The following GALNT13 variants were observed in gnomAD, a reference collection of about 807,000 sequenced individuals.
GALNT13 encodes UDP-GalNAc:polypeptide N-acetylgalactosaminyltransferase 13.
In GALNT13, 28 loss-of-function variants were observed where a neutral mutation model predicts 64.2. That is an observed-to-expected ratio of 0.44 (90% CI 0.32 to 0.60). The LOEUF is 0.60. Ranked by LOEUF, GALNT13 falls within the 20% of genes least tolerant of loss-of-function variation. The pLI, the probability that GALNT13 is intolerant of heterozygous loss-of-function variation, is 0.05. For missense variants in GALNT13, 577 were observed against 669.8 expected, an observed-to-expected ratio of 0.86 and a Z score of 1.53; for synonymous variants, 214 against 224.6, an observed-to-expected ratio of 0.95 and a Z score of 0.42.
chr2:153,640,599 T>C, the GALNT13 span, among the ~76,000 whole-genome samples: 3 of 152,004 alleles, frequency 2.0e-5, no homozygotes, highest in Non-Finnish European at 2.9e-5. Context: ...GGCAATATAA[T>C]GAGACCTAAT....
At chr2:153,198,844 A>G in the GALNT13 span, among the ~76,000 whole-genome samples, 1 of 152,160 alleles carries the variant, frequency 6.6e-6, no homozygotes, top group Non-Finnish European at 1.5e-5. Context: ...TTCACCTTTG[A>G]GCAACATTGC....
the GALNT13 span, among the ~76,000 whole-genome samples, chr2:153,095,541 A>G: frequency 6.6e-6 from 1 of 152,246 alleles, no homozygotes; most frequent in Admixed American, 6.5e-5. Context: ...TACTGGGTAT[A>G]TACCCAAAGG....
At chr2:153,559,365 G>A in the GALNT13 span, among the ~76,000 whole-genome samples, 1 of 152,082 alleles carries the variant, frequency 6.6e-6, no homozygotes, top group South Asian at 2.1e-4. Flanking sequence ...CCATGCCACA[G>A]TTTAGTTGAA....
chr2:153,411,651 G>A, the GALNT13 span, among the ~76,000 whole-genome samples: 3 of 152,288 alleles, frequency 2.0e-5, no homozygotes, highest in East Asian at 1.9e-4. Context: ...ATGCTGGGCC[G>A]TCTGACTGAT....
the GALNT13 span, among the ~76,000 whole-genome samples, chr2:153,279,798 C>T: frequency 6.6e-6 from 1 of 151,888 alleles, no homozygotes; most frequent in African/African-American, 2.4e-5. Flanking sequence ...TATGTTCATC[C>T]AGAATATTAG....
At chr2:153,727,164 T>C in the GALNT13 span, among the ~76,000 whole-genome samples, 1 of 152,156 alleles carries the variant, frequency 6.6e-6, no homozygotes. Flanking sequence ...AAGCTGTAGT[T>C]AAAAATAACA....
chr2:153,513,524 C>T, the GALNT13 span, among the ~76,000 whole-genome samples: 1 of 152,232 alleles, frequency 6.6e-6, no homozygotes, highest in African/African-American at 2.4e-5. Flanking sequence ...GTCACTACCA[C>T]CTACCCTCTT....
the GALNT13 span, among the ~76,000 whole-genome samples, chr2:153,129,973 C>T: frequency 3.3e-5 from 5 of 152,264 alleles, no homozygotes; most frequent in South Asian, 2.1e-4. Flanking sequence ...CATCAAAAGG[C>T]GGCTGTGAGG....
At chr2:153,345,892 C>T in the GALNT13 span, among the ~76,000 whole-genome samples, 21 of 151,078 alleles carry the variant, frequency 1.4e-4, no homozygotes, top group Non-Finnish European at 1.8e-4. Flanking sequence ...ACTTCCTGGG[C>T]TCAGGTGATT....
chr2:153,998,444 T>C (rs950759413), intron 3 of GALNT13, among the ~76,000 whole-genome samples: 3 of 152,236 alleles, frequency 2.0e-5, no homozygotes, highest in Admixed American at 1.3e-4. Context: ...AGGTCTTCTT[T>C]TGAGAAGTGT....
At chr2:153,330,191 A>C in the GALNT13 span, among the ~76,000 whole-genome samples, 1 of 152,216 alleles carries the variant, frequency 6.6e-6, no homozygotes, top group Non-Finnish European at 1.5e-5. Flanking sequence ...CTTATAGTAT[A>C]GTTTGAAGTC....
intron 3 of GALNT13, among the ~76,000 whole-genome samples, chr2:153,981,772 A>G (rs1401517386): frequency 6.6e-6 from 1 of 152,080 alleles, no homozygotes; most frequent in Non-Finnish European, 1.5e-5. Context: ...GAGCCAGGTT[A>G]TCTCCTTTGG....
At chr2:153,920,641 TTAAAC>T (rs1408341140) in intron 2 of GALNT13, among the ~76,000 whole-genome samples, 2 of 152,048 alleles carry the variant, frequency 1.3e-5, no homozygotes, top group South Asian at 2.1e-4. Context: ...TGGGACCTAA[TTAAAC>T]TAAAGAACTT....
chr2:153,666,688 C>T, the GALNT13 span, among the ~76,000 whole-genome samples: 1 of 152,150 alleles, frequency 6.6e-6, no homozygotes, highest in Non-Finnish European at 1.5e-5. Context: ...AATGTCAAAC[C>T]TTAAAGGAAC....
At chr2:153,258,400 A>AAAACAAAACAAAACAAAACC in the GALNT13 span, among the ~76,000 whole-genome samples, 2 of 151,508 alleles carry the variant, frequency 1.3e-5, no homozygotes, top group Admixed American at 6.6e-5. Flanking sequence ...AAAACAAAAC[A>AAAACAAAACAAAACAAAACC]AAACCCAACT....
chr2:153,128,304 G>A, the GALNT13 span, among the ~76,000 whole-genome samples: 1 of 152,196 alleles, frequency 6.6e-6, no homozygotes, highest in South Asian at 2.1e-4. Flanking sequence ...ACGGTGGAAA[G>A]CAGGGAGGAG....
At chr2:154,212,472 G>A (rs976115264) in intron 4 of GALNT13, among the ~76,000 whole-genome samples, 1 of 152,072 alleles carries the variant, frequency 6.6e-6, no homozygotes, top group African/African-American at 2.4e-5. Context: ...TCGAACTCCT[G>A]ACCTCAGATG....
At chr2:154,201,552 G>A (rs13432170) in intron 4 of GALNT13, among the ~76,000 whole-genome samples, 48,408 of 151,806 alleles carry the variant, frequency 0.32, 8,241 homozygotes, top group Middle Eastern at 0.44. Context: ...TTAGATAACT[G>A]TTTCAAACAG....
the GALNT13 span, among the ~76,000 whole-genome samples, chr2:153,398,153 A>G: frequency 6.2e-5 from 9 of 144,514 alleles, no homozygotes; most frequent in Non-Finnish European, 1.0e-4. Context: ...ATTCCCACCT[A>G]TGAGTGAGAA....
Sources: allele counts gnomAD v4.1 joint callset (sites outside exome capture counted in the v4.1 genomes callset), GRCh38; gene constraint gnomAD v4.1.1; transcripts MANE v1.5; gene names NCBI Gene and HGNC (gene_info 2026-07-23, HGNC 2026-07-21).